The following NAPB variants were observed in gnomAD, a reference collection of about 807,000 sequenced individuals.
NAPB encodes NSF attachment protein beta.
A neutral mutation model predicts 44.7 loss-of-function variants in NAPB; 26 were observed. The observed-to-expected ratio is 0.58, with a 90% CI of 0.43 to 0.81. The LOEUF is 0.81. Among genes scored for constraint, NAPB ranks in the 30% least tolerant of loss-of-function variants. The pLI is 0.00. For synonymous variants in NAPB, 120 were observed against 116.8 expected, an observed-to-expected ratio of 1.03 and a Z score of -0.18; for missense variants, 315 against 356.4, an observed-to-expected ratio of 0.88 and a Z score of 0.94.
intron 1 of NAPB, among the ~76,000 whole-genome samples, chr20:23,412,810 A>G (rs1555793509): frequency 6.6e-6 from 1 of 152,230 alleles, no homozygotes; most frequent in Non-Finnish European, 1.5e-5. Context: ...AGCCTGGCCA[A>G]CACGGTGAAA....
At chr20:23,379,998 T>G (rs910739618) in intron 8 of NAPB, 63 bp from the exon 9 acceptor site, 34 of 1,351,682 alleles carry the variant, frequency 2.5e-5, no homozygotes, top group Non-Finnish European at 3.0e-5. Flanking sequence ...TTCAACATTC[T>G]ATCAGCTTCA....
At chr20:23,402,297 C>T (rs1984910308) in intron 2 of NAPB, among the ~76,000 whole-genome samples, 1 of 152,142 alleles carries the variant, frequency 6.6e-6, no homozygotes, top group Non-Finnish European at 1.5e-5. Context: ...TCCATTTTCA[C>T]TACAGAAATA....
At chr20:23,417,972 T>A (rs962390820) in intron 1 of NAPB, among the ~76,000 whole-genome samples, 1 of 152,216 alleles carries the variant, frequency 6.6e-6, no homozygotes, top group African/African-American at 2.4e-5. Flanking sequence ...TATAGAATAC[T>A]ACTAAGAATA....
At chr20:23,413,749 C>A (rs1044813746) in intron 1 of NAPB, among the ~76,000 whole-genome samples, 8 of 151,846 alleles carry the variant, frequency 5.3e-5, no homozygotes, top group Non-Finnish European at 1.2e-4. Flanking sequence ...CCTAGGAAAA[C>A]ACAATTTACC....
chr20:23,387,305 G>A (rs756389807), intron 7 of NAPB, among the ~76,000 whole-genome samples: 24 of 152,176 alleles, frequency 1.6e-4, no homozygotes, highest in East Asian at 7.7e-4. Context: ...ATGAAAGACC[G>A]AAAGTTTTCC....
chr20:23,385,992 T>C (rs1262748756), intron 7 of NAPB, among the ~76,000 whole-genome samples: 2 of 151,982 alleles, frequency 1.3e-5, no homozygotes, highest in Non-Finnish European at 2.9e-5. Context: ...ACAAAGGAAT[T>C]AAAAATAAGT....
intron 3 of NAPB, 144 bp from the exon 4 acceptor site, chr20:23,395,329 C>A (rs1434244315): frequency 8.2e-6 from 6 of 734,418 alleles, no homozygotes; most frequent in Non-Finnish European, 1.4e-5. Context: ...GAGAAGCAAA[C>A]AAAAATCATG....
At position 23,375,278 on chromosome 20, in the gene NAPB, ATTAT is replaced by A. The variant is rs1982418252; in HGVS notation, c.*2094_*2097del. Reference sequence around the variant, plus strand: ...ATTGACACAACAAAATGTTACAAACATTATTGTTAAAAAAAAATACCCCTTCAGA... The same window carrying A: ...ATTGACACAACAAAATGTTACAAACATGTTAAAAAAAAATACCCCTTCAGA... On this transcript the variant is annotated 3_prime_UTR_variant, in exon 11 of 11. Transcript: ENST00000377026. 1.3e-5 allele frequency: 2 copies of A among 152,208 alleles called. No individual in the cohort carries two copies. Among genetic ancestry groups the A allele is most frequent in the African/African-American group, 4.8e-5 (2 of 41,444 alleles). The allele number at this position is 152,208 out of a possible 1,614,324, so 9.4% of individuals were successfully genotyped here.
At chr20:23,385,401 C>T (rs6083104) in intron 7 of NAPB, among the ~76,000 whole-genome samples, 45,117 of 151,968 alleles carry the variant, frequency 0.3, 6,731 homozygotes, top group Middle Eastern at 0.38. Context: ...AAAGAAGAGT[C>T]AGACAAATCC....
intron 5 of NAPB, among the ~76,000 whole-genome samples, chr20:23,394,231 G>C (rs757382336): frequency 6.6e-6 from 1 of 152,310 alleles, no homozygotes; most frequent in East Asian, 1.9e-4. Flanking sequence ...GAGAGCAAAA[G>C]CAGGGAGACC....
intron 7 of NAPB, among the ~76,000 whole-genome samples, chr20:23,382,734 T>C (rs960884205): frequency 6.7e-6 from 1 of 150,132 alleles, no homozygotes; most frequent in African/African-American, 2.4e-5. Flanking sequence ...AAGCACTAAA[T>C]GGAAGACAAC....
At chr20:23,379,989 T>C in intron 8 of NAPB, 54 bp from the exon 9 acceptor site, 1 of 1,437,144 alleles carries the variant, frequency 7.0e-7, no homozygotes, top group African/African-American at 1.4e-5. Flanking sequence ...AACAAAGCTT[T>C]CAACATTCTA....
intron 7 of NAPB, among the ~76,000 whole-genome samples, chr20:23,387,008 T>A (rs1330481834): frequency 1.3e-5 from 2 of 152,164 alleles, no homozygotes; most frequent in Non-Finnish European, 2.9e-5. Flanking sequence ...ATCTACAATA[T>A]TAAGCTGATT....
chr20:23,419,548 T>A (rs1381020589), intron 1 of NAPB, among the ~76,000 whole-genome samples: 1 of 152,240 alleles, frequency 6.6e-6, no homozygotes, highest in Non-Finnish European at 1.5e-5. Flanking sequence ...AAGCACTTCC[T>A]GACTTGAAAT....
chr20:23,410,205 C>T (rs900531269), intron 1 of NAPB, among the ~76,000 whole-genome samples: 2 of 152,176 alleles, frequency 1.3e-5, no homozygotes, highest in Non-Finnish European at 2.9e-5. Flanking sequence ...TCACACAAAC[C>T]TACCCCTCCA....
chr20:23,400,137 C>T (rs1311844103), intron 2 of NAPB, among the ~76,000 whole-genome samples: 4 of 152,182 alleles, frequency 2.6e-5, no homozygotes. Context: ...TTTTCACATT[C>T]CCACATTCCA....
chr20:23,396,702 A>C (rs889136766), intron 3 of NAPB: 1 of 153,190 alleles, frequency 6.5e-6, no homozygotes, highest in African/African-American at 2.4e-5. Context: ...ATTTAGGAGT[A>C]AGGGAACATA....
chr20:23,395,294 T>C, intron 3 of NAPB, 109 bp from the exon 4 acceptor site: 1 of 1,156,262 alleles, frequency 8.6e-7, no homozygotes, highest in Non-Finnish European at 1.2e-6. Context: ...GGTATAATTT[T>C]GGAGTGGAGG....
At chr20:23,392,289 C>T (rs1048110463) in intron 5 of NAPB, among the ~76,000 whole-genome samples, 1 of 151,920 alleles carries the variant, frequency 6.6e-6, no homozygotes, top group African/African-American at 2.4e-5. Flanking sequence ...TATTTTCTTC[C>T]AGACTATTTC....
Sources: gnomAD v4.1 joint callset for allele counts (sites outside exome capture counted in the v4.1 genomes callset) on GRCh38, gnomAD v4.1.1 for gene constraint, MANE v1.5 for transcripts, NCBI Gene and HGNC (gene_info 2026-07-23, HGNC 2026-07-21) for gene names.